Variants in DIAPH2 observed in about 807,000 individuals in gnomAD.
The protein encoded by DIAPH2 is diaphanous related formin 2, also known as protein diaphanous homolog 2.
A neutral mutation model predicts 92.7 loss-of-function variants in DIAPH2; 35 were observed. The ratio of observed to expected loss-of-function variants is 0.38; its 90% CI spans 0.29 to 0.50. DIAPH2 has a LOEUF of 0.50. Ranked by LOEUF, DIAPH2 falls within the 20% of genes least tolerant of loss-of-function variation. DIAPH2 has a pLI of 0.94. For missense variants in DIAPH2, 701 were observed against 819.5 expected, an observed-to-expected ratio of 0.86 and a Z score of 1.77; for synonymous variants, 301 against 280.4, an observed-to-expected ratio of 1.07 and a Z score of -0.73.
intron 7 of DIAPH2, among the ~76,000 whole-genome samples, chrX:96,913,715 A>G (rs1204709255): frequency 1.8e-5 from 2 of 111,076 alleles, no homozygotes; most frequent in African/African-American, 6.5e-5. Flanking sequence ...AATGTCAGCA[A>G]GTTTACATAC....
At chrX:97,143,317 C>A (rs2067220869) in intron 22 of DIAPH2, among the ~76,000 whole-genome samples, 1 of 110,007 alleles carries the variant, frequency 9.1e-6, no homozygotes, top group African/African-American at 3.3e-5. Flanking sequence ...CAAAAAAGAC[C>A]AGTTATTAAA....
At chrX:96,830,666 T>C (rs2064848530) in intron 4 of DIAPH2, among the ~76,000 whole-genome samples, 1 of 82,680 alleles carries the variant, frequency 1.2e-5, no homozygotes, top group South Asian at 5.4e-4. Flanking sequence ...GCTACAGAAA[T>C]ACAAATAAGC....
chrX:97,169,255 T>G (rs1004501656), intron 22 of DIAPH2, among the ~76,000 whole-genome samples: 2 of 111,101 alleles, frequency 1.8e-5, no homozygotes, highest in African/African-American at 6.6e-5. Flanking sequence ...TAGAATGGAG[T>G]TAGCAAGAGG....
At chrX:97,183,678 C>G (rs1478863005) in intron 22 of DIAPH2, among the ~76,000 whole-genome samples, 1 of 112,008 alleles carries the variant, frequency 8.9e-6, no homozygotes, top group African/African-American at 3.2e-5. Context: ...CAGCATGAGA[C>G]AGATTTTCTT....
chrX:97,200,661 G>T (rs772775484), intron 22 of DIAPH2, among the ~76,000 whole-genome samples: 2 of 112,041 alleles, frequency 1.8e-5, no homozygotes, highest in African/African-American at 3.2e-5. Flanking sequence ...CCAGTCAGGG[G>T]CTTACAGATA....
intron 22 of DIAPH2, among the ~76,000 whole-genome samples, chrX:97,214,176 C>T (rs2067863277): frequency 8.9e-6 from 1 of 112,242 alleles, no homozygotes; most frequent in Non-Finnish European, 1.9e-5. Context: ...TCTGACATTC[C>T]ATAGATCAAA....
chrX:97,148,734 A>G (rs1248866788), intron 22 of DIAPH2, among the ~76,000 whole-genome samples: 1 of 111,905 alleles, frequency 8.9e-6, no homozygotes, highest in Non-Finnish European at 1.9e-5. Context: ...TACAGCAGTC[A>G]TATTTCAAAA....
chrX:97,114,226 G>A (rs1259036508), intron 20 of DIAPH2, among the ~76,000 whole-genome samples: 1 of 110,353 alleles, frequency 9.1e-6, no homozygotes, highest in Non-Finnish European at 1.9e-5. Flanking sequence ...GAAATCATAA[G>A]TTTAAAAATT....
rs113144772 is a variant in DIAPH2 at position 97,012,933 on chromosome X, A to G, written c.2050+47726A>G. On this transcript the variant is annotated intron_variant, in intron 17 of 26. Coordinates refer to ENST00000324765, the MANE Select transcript of DIAPH2 (RefSeq NM_006729.5). ...TTCACACAGCAGAATCTACATCTAC[A>G]GTTTCTTCACACCACTTTTTATATT... is the stretch of plus-strand genomic sequence containing the variant. 7.8e-3 allele frequency among the ~76,000 whole-genome samples: 868 copies of G among 111,959 alleles called. 7 individuals carry two copies. Among genetic ancestry groups the G allele is most frequent in the African/African-American group, 0.027 (826 of 30,803 alleles).
chrX:97,214,812 C>T (rs961929291), intron 22 of DIAPH2, among the ~76,000 whole-genome samples: 10 of 46,848 alleles, frequency 2.1e-4, no homozygotes, highest in African/African-American at 8.6e-4. Context: ...GCCTGGGCAA[C>T]AAGAGCAAAA....
chrX:97,194,328 C>T (rs1481678513), intron 22 of DIAPH2, among the ~76,000 whole-genome samples: 1 of 105,492 alleles, frequency 9.5e-6, no homozygotes, highest in Admixed American at 1.0e-4. Flanking sequence ...GTTGCCCAGG[C>T]TGGAGTGCAG....
chrX:96,851,215 C>T (rs1273030006), intron 4 of DIAPH2, among the ~76,000 whole-genome samples: 1 of 111,997 alleles, frequency 8.9e-6, no homozygotes, highest in African/African-American at 3.3e-5. Context: ...AATCCTGACA[C>T]CTCAGCTTCT....
At chrX:97,549,405 C>G (rs1281447068) in intron 26 of DIAPH2, among the ~76,000 whole-genome samples, 1 of 111,406 alleles carries the variant, frequency 9.0e-6, no homozygotes, top group African/African-American at 3.3e-5. Flanking sequence ...TTTGATACCC[C>G]CTTCACCCAG....
chrX:97,247,397 A>G (rs1306575818), intron 22 of DIAPH2, among the ~76,000 whole-genome samples: 1 of 111,779 alleles, frequency 8.9e-6, no homozygotes, highest in Non-Finnish European at 1.9e-5. Flanking sequence ...TTAATCTTCA[A>G]ATTAGATTTT....
At chrX:97,412,422 A>G (rs1403921014) in intron 25 of DIAPH2, among the ~76,000 whole-genome samples, 1 of 112,328 alleles carries the variant, frequency 8.9e-6, no homozygotes, top group Non-Finnish European at 1.9e-5. Flanking sequence ...AGGAAAATTT[A>G]TAGCACTAAA....
chrX:97,209,788 T>C (rs1358694568), intron 22 of DIAPH2, among the ~76,000 whole-genome samples: 1 of 110,851 alleles, frequency 9.0e-6, no homozygotes, highest in African/African-American at 3.3e-5. Flanking sequence ...TAATTGAGTC[T>C]ATCGGAACTG....
intron 17 of DIAPH2, among the ~76,000 whole-genome samples, chrX:96,991,299 G>C (rs1260286040): frequency 1.8e-5 from 2 of 109,654 alleles, no homozygotes; most frequent in African/African-American, 6.7e-5. Context: ...TGTATTTTTT[G>C]TAGAGAAGGG....
rs916015092 is a variant in DIAPH2 at position 96,843,928 on chromosome X, G to C, written c.448-37651G>C. On this transcript the variant is annotated intron_variant, in intron 4 of 26. Transcript: ENST00000324765. Reference sequence around the variant, plus strand: ...TTGTCCATAAGAAGGGGCTTCACAAGTACTTGAGGGCATTTGAAAAGGAGT... The same window carrying C: ...TTGTCCATAAGAAGGGGCTTCACAACTACTTGAGGGCATTTGAAAAGGAGT... Among the ~76,000 whole-genome samples, 23 of 112,155 alleles carry C rather than the reference G, an allele frequency of 2.1e-4. No homozygotes were observed. The South Asian group carries it at 3.0e-3, about 15-fold the overall frequency.
At chrX:96,878,119 A>T (rs1246309568) in intron 4 of DIAPH2, among the ~76,000 whole-genome samples, 1 of 111,926 alleles carries the variant, frequency 8.9e-6, no homozygotes, top group Non-Finnish European at 1.9e-5. Flanking sequence ...CCTATTAAGT[A>T]TTATGAGAAT....
Sources: gnomAD v4.1 joint callset for allele counts (sites outside exome capture counted in the v4.1 genomes callset) on GRCh38, gnomAD v4.1.1 for gene constraint, MANE v1.5 for transcripts, NCBI Gene and HGNC (gene_info 2026-07-23, HGNC 2026-07-21) for gene names.